Variants in RNGTT observed in about 807,000 individuals in gnomAD.
The protein encoded by RNGTT is mRNA-capping enzyme.
A neutral mutation model predicts 79.3 loss-of-function variants in RNGTT; 33 were observed. The ratio of observed to expected loss-of-function variants is 0.42; its 90% CI spans 0.32 to 0.56. The LOEUF (loss-of-function observed/expected upper bound fraction) is 0.56. Among genes scored for constraint, RNGTT ranks in the 20% least tolerant of loss-of-function variants. RNGTT has a pLI of 0.17. For missense variants in RNGTT, 497 were observed against 739.1 expected (o/e 0.67, Z 3.80); for synonymous variants, 222 against 235.9 (o/e 0.94, Z 0.54).
intron 12 of RNGTT, among the ~76,000 whole-genome samples, chr6:88,774,626 T>C (rs1778810962): frequency 6.6e-6 from 1 of 152,154 alleles, no homozygotes; most frequent in South Asian, 2.1e-4. Flanking sequence ...ACATATATTA[T>C]CCAAATATAA....
At chr6:88,863,298 T>C (rs1163945563) in intron 8 of RNGTT, among the ~76,000 whole-genome samples, 1 of 152,220 alleles carries the variant, frequency 6.6e-6, no homozygotes, top group Non-Finnish European at 1.5e-5. Flanking sequence ...TACATAAGCA[T>C]AGCCATCTTT....
chr6:88,839,501 T>G (rs1781193763), intron 11 of RNGTT, among the ~76,000 whole-genome samples: 1 of 151,730 alleles, frequency 6.6e-6, no homozygotes, highest in Non-Finnish European at 1.5e-5. Flanking sequence ...GTCTGGGAGG[T>G]CAAGGATGCA....
chr6:88,663,774 G>T (rs1465281059), intron 14 of RNGTT, among the ~76,000 whole-genome samples: 1 of 152,152 alleles, frequency 6.6e-6, no homozygotes, highest in Non-Finnish European at 1.5e-5. Flanking sequence ...CTAAAACTGG[G>T]ACACAAATGC....
chr6:88,676,139 TACTTG>T (rs1774866142), intron 14 of RNGTT, among the ~76,000 whole-genome samples: 1 of 152,204 alleles, frequency 6.6e-6, no homozygotes, highest in African/African-American at 2.4e-5. Context: ...GGATTTATAC[TACTTG>T]ACTTCATGAT....
intron 1 of RNGTT, among the ~76,000 whole-genome samples, chr6:88,941,498 G>A (rs965800440): frequency 7.2e-5 from 11 of 152,096 alleles, no homozygotes; most frequent in African/African-American, 2.4e-4. Flanking sequence ...AAACTCCTGG[G>A]CTCAAGCAAT....
chr6:88,899,058 C>T (rs1244120615), intron 6 of RNGTT, among the ~76,000 whole-genome samples: 1 of 151,094 alleles, frequency 6.6e-6, no homozygotes, highest in Non-Finnish European at 1.5e-5. Context: ...TAATATATTA[C>T]TTATATGAGT....
intron 14 of RNGTT, among the ~76,000 whole-genome samples, chr6:88,674,457 T>G (rs952307454): frequency 5.9e-5 from 9 of 152,094 alleles, no homozygotes; most frequent in African/African-American, 1.9e-4. Context: ...GAGGATCACC[T>G]GAGCCTGAGA....
At chr6:88,916,854 T>C (rs1215377398) in intron 4 of RNGTT, among the ~76,000 whole-genome samples, 1 of 152,242 alleles carries the variant, frequency 6.6e-6, no homozygotes, top group Non-Finnish European at 1.5e-5. Context: ...GGAAGGCCTC[T>C]AAGATTTCTA....
At chr6:88,923,362 G>C (rs6923432) in intron 4 of RNGTT, among the ~76,000 whole-genome samples, 3,282 of 152,190 alleles carry the variant, frequency 0.022, 118 homozygotes, top group African/African-American at 0.075. Flanking sequence ...TCGTAGTCTT[G>C]ATGAGTCAAG....
At chr6:88,701,665 C>T (rs2127802112) in intron 13 of RNGTT, among the ~76,000 whole-genome samples, 1 of 151,990 alleles carries the variant, frequency 6.6e-6, no homozygotes. Flanking sequence ...GTCATTTAAT[C>T]TTTTTAAAGA....
At chr6:88,715,953 A>T (rs1296792480) in intron 13 of RNGTT, among the ~76,000 whole-genome samples, 1 of 152,204 alleles carries the variant, frequency 6.6e-6, no homozygotes, top group East Asian at 1.9e-4. Context: ...AACAAAAGCC[A>T]AAATTGACAA....
At chr6:88,939,944 G>A (rs62429039) in intron 2 of RNGTT, among the ~76,000 whole-genome samples, 1,974 of 150,920 alleles carry the variant, frequency 0.013, 18 homozygotes, top group Non-Finnish European at 0.019. Context: ...TTTTTGTAGA[G>A]ACAGGGTCTC....
At position 88,963,411 on chromosome 6, in the gene RNGTT, T is replaced by C. The variant is rs771755023; in HGVS notation, c.-2A>G. 1.3e-6 allele frequency: 2 copies of C among 1,598,236 alleles called. No individual in the cohort carries two copies. The highest frequency in any genetic ancestry group is 1.7e-5 in the Admixed American group (1 of 58,438). On this transcript the variant is annotated 5_prime_UTR_variant, in exon 1 of 16. Transcript: ENST00000369485. The stretch of plus-strand genomic sequence containing the variant: ...CGGCGGGATCTTGTTGTGAGCCATG[T>C]CTTGGGGCTGCGCAGAGCTGCCCTC...
At position 88,612,629 on chromosome 6, in the gene RNGTT, T is replaced by C; in HGVS notation, c.*90A>G. On this transcript the variant is annotated 3_prime_UTR_variant, in exon 16 of 16. Transcript: ENST00000369485. ...AATGTGTATCAACATCAAGCCACAG[T>C]CGTTTTTCAATTTCTCTGGCTACAA... is the stretch of plus-strand genomic sequence containing the variant. The C allele has an allele frequency of 1.5e-6, 2 of 1,335,678 alleles. No homozygotes were observed. Among genetic ancestry groups the C allele is most frequent in the South Asian group, 2.7e-5 (2 of 73,404 alleles). The allele number at this position is 1,335,678 out of a possible 1,614,324, so 82.7% of individuals were successfully genotyped here.
At chr6:88,700,082 T>G (rs2127801304) in intron 13 of RNGTT, among the ~76,000 whole-genome samples, 1 of 152,270 alleles carries the variant, frequency 6.6e-6, no homozygotes. Flanking sequence ...TAGGCTGTCA[T>G]GACAGAAAAA....
At chr6:88,754,689 T>C (rs1168371048) in intron 13 of RNGTT, among the ~76,000 whole-genome samples, 4 of 152,188 alleles carry the variant, frequency 2.6e-5, no homozygotes, top group Admixed American at 1.3e-4. Context: ...GTGGGTTTAC[T>C]GGAATGAGGT....
At chr6:88,640,524 G>A (rs1359563526) in intron 14 of RNGTT, among the ~76,000 whole-genome samples, 2 of 147,420 alleles carry the variant, frequency 1.4e-5, no homozygotes, top group Non-Finnish European at 3.0e-5. Context: ...TCCAGCCTGG[G>A]TGACAGAGTG....
intron 1 of RNGTT, among the ~76,000 whole-genome samples, chr6:88,944,445 A>T (rs1021116135): frequency 1.3e-5 from 2 of 152,026 alleles, no homozygotes; most frequent in Non-Finnish European, 2.9e-5. Context: ...ACCTTTCTGT[A>T]TCTCAGCCCA....
chr6:88,827,350 A>C (rs766107487), intron 11 of RNGTT, among the ~76,000 whole-genome samples: 19 of 152,092 alleles, frequency 1.2e-4, no homozygotes, highest in African/African-American at 4.6e-4. Context: ...GGGACAGTGC[A>C]CTCAGGCCCA....
Sources: gnomAD v4.1 joint callset for allele counts (sites outside exome capture counted in the v4.1 genomes callset) on GRCh38, gnomAD v4.1.1 for gene constraint, MANE v1.5 for transcripts, NCBI Gene and HGNC (gene_info 2026-07-23, HGNC 2026-07-21) for gene names.